PCLO: variants seen among roughly 807,000 people sequenced by gnomAD.
The protein encoded by PCLO is protein piccolo.
In PCLO, 82 loss-of-function variants were observed where a neutral mutation model predicts 427.5. The observed-to-expected ratio is 0.19, with a 90% CI of 0.16 to 0.23. The LOEUF (loss-of-function observed/expected upper bound fraction) is 0.23, where lower values mean the gene tolerates loss of function less well. Ranked by LOEUF, PCLO falls within the 10% of genes least tolerant of loss-of-function variation. The pLI, the probability that PCLO is intolerant of heterozygous loss-of-function variation, is 1.00. For missense variants in PCLO, 6,239 were observed against 6,115.9 expected, an observed-to-expected ratio of 1.02 and a Z score of -0.67; for synonymous variants, 2,357 against 2,155.4, an observed-to-expected ratio of 1.09 and a Z score of -2.59.
intron 3 of PCLO, among the ~76,000 whole-genome samples, chr7:83,076,755 C>CTCTAATCTT (rs1789964889): frequency 1.3e-5 from 2 of 150,934 alleles, no homozygotes; most frequent in Non-Finnish European, 2.9e-5. Context: ...AAACAAATCT[C>CTCTAATCTT]TCTAATCTTT....
At chr7:82,805,953 A>G (rs968905788) in intron 20 of PCLO, 124 bp from the exon 21 acceptor site, 1 of 905,776 alleles carries the variant, frequency 1.1e-6, no homozygotes, top group South Asian at 1.8e-5. Flanking sequence ...AGAACTCTAC[A>G]TTTTTCAACC....
chr7:83,012,544 G>A (rs41592), intron 3 of PCLO, among the ~76,000 whole-genome samples: 37,556 of 147,304 alleles, frequency 0.25, 5,642 homozygotes, highest in Middle Eastern at 0.46. Flanking sequence ...TTGAACCCAG[G>A]AGGCAGAGGT....
At chr7:83,142,244 T>TTCACATCAG (rs1791880464) in intron 2 of PCLO, among the ~76,000 whole-genome samples, 1 of 152,234 alleles carries the variant, frequency 6.6e-6, no homozygotes, top group South Asian at 2.1e-4. Context: ...TTTTGTACTG[T>TTCACATCAG]TCACATCAGC....
chr7:83,151,780 G>A (rs10954714), intron 2 of PCLO, among the ~76,000 whole-genome samples: 48,843 of 151,928 alleles, frequency 0.32, 8,536 homozygotes, highest in East Asian at 0.6. Flanking sequence ...ATTTGGAATC[G>A]GAATGATTGG....
At chr7:82,842,468 G>A (rs1053665731) in intron 13 of PCLO, among the ~76,000 whole-genome samples, 11 of 152,074 alleles carry the variant, frequency 7.2e-5, no homozygotes, top group Non-Finnish European at 1.5e-4. Context: ...AAAGCTCTAT[G>A]ACATTGGTCT....
chr7:82,774,811 G>C (rs554515489), intron 22 of PCLO, among the ~76,000 whole-genome samples: 1 of 152,044 alleles, frequency 6.6e-6, no homozygotes, highest in African/African-American at 2.4e-5. Context: ...CATTCCAGGG[G>C]TTTGGAAAAA....
Position 82,805,669 on chromosome 7 carries a change from CA to C in PCLO, c.14933+18del. 1 of 1,610,522 alleles carries C rather than the reference CA, an allele frequency of 6.2e-7. No homozygotes were observed. The stretch of plus-strand genomic sequence containing the variant: ...TGATGCTGAGTAAGCTTTGTAGTAA[CA>C]AAAAGAGACCCACTTACATCCTCGG... On this transcript the variant is annotated intron_variant, in intron 21 of 24. Coordinates refer to ENST00000333891, the MANE Select transcript of PCLO (RefSeq NM_033026.6).
intron 3 of PCLO, among the ~76,000 whole-genome samples, chr7:83,098,332 T>C (rs1408171873): frequency 2.0e-5 from 3 of 152,148 alleles, no homozygotes; most frequent in African/African-American, 7.2e-5. Flanking sequence ...ATGCACTACA[T>C]ACAATCATAT....
chr7:83,105,518 C>T (rs1478907167), intron 3 of PCLO, among the ~76,000 whole-genome samples: 6 of 146,146 alleles, frequency 4.1e-5, no homozygotes, highest in Non-Finnish European at 9.1e-5. Flanking sequence ...AACAAAAAAA[C>T]AATAAAATAC....
intron 3 of PCLO, among the ~76,000 whole-genome samples, chr7:83,082,843 T>A (rs1015027373): frequency 5.3e-5 from 8 of 151,746 alleles, no homozygotes; most frequent in African/African-American, 1.9e-4. Flanking sequence ...TAAAAATTTA[T>A]AAAGAATTAT....
intron 22 of PCLO, 43 bp from the exon 23 acceptor site, chr7:82,761,536 T>C (rs772611250): frequency 6.9e-7 from 1 of 1,447,128 alleles, no homozygotes; most frequent in East Asian, 2.3e-5. Flanking sequence ...TGTAATGCCA[T>C]ATATGAAATG....
At chr7:82,939,564 A>T (rs1466747858) in intron 6 of PCLO, among the ~76,000 whole-genome samples, 1 of 151,396 alleles carries the variant, frequency 6.6e-6, no homozygotes, top group African/African-American at 2.4e-5. Flanking sequence ...CCCATTGGAA[A>T]TATACATATA....
chr7:82,950,624 G>C lies in PCLO; in HGVS notation c.9964C>G (p.Pro3322Ala), dbSNP rs1355051388. 1.9e-6 allele frequency: 3 copies of C among 1,613,824 alleles called. No homozygotes were observed. The South Asian group carries it at 3.3e-5, about 18-fold the overall frequency. The change falls in exon 6 of 25, where the codon CCT becomes GCT. Residue 3322 changes from proline (P) to alanine (A), a missense_variant. Pro to Ala is a conservative substitution (Grantham distance 27). Transcript: ENST00000333891. ...GTTTGTGGAGAAGCAGTTCCAGAAG[G>C]GTCATAGTTATACTGGTAGATCTGC... ...IRQIYQYNYD[P>A]SGTASPQTTT...
In PCLO at chr7:82,916,243, A is replaced by G; in HGVS notation, c.11743T>C (p.Tyr3915His). The part of the protein sequence containing the change: ...QQSHFEQQTL[Y>H]HQQVSPYQTQ... ...TGATAAGGTGAAACTTGCTGATGGT[A>G]CAAAGTTTGTTGCTCAAAATGAGAC... The change falls in exon 7 of 25, where the codon TAC becomes CAC. Residue 3915 changes from tyrosine to histidine, a missense_variant. Transcript: ENST00000333891. The G allele has an allele frequency of 1.2e-6, 2 of 1,613,744 alleles. No homozygotes were observed. The highest frequency in any genetic ancestry group is 1.7e-6 in the Non-Finnish European group (2 of 1,179,742).
chr7:82,993,427 T>A (rs1203097971), intron 3 of PCLO, among the ~76,000 whole-genome samples: 1 of 151,904 alleles, frequency 6.6e-6, no homozygotes, highest in Non-Finnish European at 1.5e-5. Context: ...GGCTTTGGCA[T>A]TTTTTTAAAA....
chr7:82,855,778 T>G (rs1324190113), intron 10 of PCLO, among the ~76,000 whole-genome samples: 1 of 152,084 alleles, frequency 6.6e-6, no homozygotes, highest in Non-Finnish European at 1.5e-5. Context: ...TGCTGAATCT[T>G]ACTGGGAAGA....
chr7:82,949,756 T>C lies in PCLO; in HGVS notation c.10832A>G (p.Gln3611Arg), dbSNP rs557476593. ...SSHLRADSTV[Q>R]LAPSPPKSPK... ...GGATTTGGGTGGGGAAGGAGCCAGC[T>C]GTACTGTGGAATCTGCCCGGAGGTG... Residue 3611 changes from glutamine to arginine, a missense_variant, in exon 6 of 25, where the codon CAG becomes CGG. By Grantham distance (43) the Gln-to-Arg change is conservative. Coordinates refer to ENST00000333891, the MANE Select transcript of PCLO (RefSeq NM_033026.6). 1 of 1,613,840 alleles carries C rather than the reference T, an allele frequency of 6.2e-7. No individual in the cohort carries two copies. The highest frequency in any genetic ancestry group is 1.1e-5 in the South Asian group (1 of 91,076).
At chr7:82,920,708 C>T (rs1254630284) in intron 6 of PCLO, among the ~76,000 whole-genome samples, 1 of 151,614 alleles carries the variant, frequency 6.6e-6, no homozygotes, top group African/African-American at 2.4e-5. Flanking sequence ...GGAAATTTTG[C>T]TTGTTTTGGA....
intron 3 of PCLO, among the ~76,000 whole-genome samples, chr7:83,119,861 C>A (rs1451716751): frequency 6.9e-6 from 1 of 145,750 alleles, no homozygotes; most frequent in Non-Finnish European, 1.5e-5. Context: ...TTTAAAAAAT[C>A]AAACAGAAAT....
Sources: gnomAD v4.1 joint callset for allele counts (sites outside exome capture counted in the v4.1 genomes callset) on GRCh38, gnomAD v4.1.1 for gene constraint, MANE v1.5 for transcripts, NCBI Gene and HGNC (gene_info 2026-07-23, HGNC 2026-07-21) for gene names.